Variants in RPH3AL observed in about 807,000 individuals in gnomAD.
The protein encoded by RPH3AL is rab effector Noc2.
In RPH3AL, 38 loss-of-function variants were observed where a neutral mutation model predicts 43.1. The observed-to-expected ratio is 0.88, with a 90% CI of 0.68 to 1.15. The LOEUF is 1.15. RPH3AL is among the 50% of genes most tolerant of loss of function. The probability of loss-of-function intolerance (pLI) is 0.00; values close to 1 mark genes in which losing one functional copy is unlikely to be tolerated. For missense variants in RPH3AL, 462 were observed against 423.2 expected (o/e 1.09, Z -0.81); for synonymous variants, 189 against 176.3 (o/e 1.07, Z -0.57).
chr17:309,407 C>G (rs1425695898), intron 5 of RPH3AL, among the ~76,000 whole-genome samples: 1 of 151,956 alleles, frequency 6.6e-6, no homozygotes, highest in East Asian at 1.9e-4. Flanking sequence ...CCGCCCTGCC[C>G]AGGGCTCCTG....
intron 5 of RPH3AL, among the ~76,000 whole-genome samples, chr17:316,748 GCCCC>G (rs2044231702): frequency 7.5e-6 from 1 of 134,050 alleles, no homozygotes; most frequent in African/African-American, 2.9e-5. Flanking sequence ...TAGTCCATGT[GCCCC>G]ACCTCCATTG....
intron 7 of RPH3AL, chr17:234,650 C>T (rs2041319772): frequency 6.5e-6 from 1 of 154,006 alleles, no homozygotes; most frequent in Admixed American, 6.5e-5. Context: ...ATTCCGCCTC[C>T]TTCTGCAAGC....
chr17:270,383 C>T (rs4985588), intron 6 of RPH3AL, among the ~76,000 whole-genome samples: 99,147 of 152,112 alleles, frequency 0.65, 32,631 homozygotes, highest in East Asian at 0.8. Context: ...GGCTGGGGCT[C>T]GGCTAGCACG....
intron 6 of RPH3AL, among the ~76,000 whole-genome samples, chr17:259,095 T>C (rs1473273758): frequency 2.6e-5 from 4 of 152,104 alleles, no homozygotes; most frequent in Non-Finnish European, 5.9e-5. Context: ...TGTGAGTTCA[T>C]TGTAACGGGG....
chr17:293,084 G>A (rs1052399867), intron 5 of RPH3AL, among the ~76,000 whole-genome samples: 1 of 152,128 alleles, frequency 6.6e-6, no homozygotes, highest in African/African-American at 2.4e-5. Context: ...CAAGGCTTCC[G>A]GCAGGCCCTT....
At chr17:250,361 C>T (rs113776993) in intron 6 of RPH3AL, among the ~76,000 whole-genome samples, 109 of 55,036 alleles carry the variant, frequency 2.0e-3, no homozygotes, top group South Asian at 2.1e-3. Flanking sequence ...GAGCCTTTAC[C>T]AAGCTCCGTC....
At chr17:332,737 C>T (rs983467089) in intron 2 of RPH3AL, 90 of 283,092 alleles carry the variant, frequency 3.2e-4, no homozygotes, top group African/African-American at 1.5e-3. Context: ...CTCCACCTGA[C>T]GGCTGAGCTC....
rs1178166550 is a variant in RPH3AL, at chr17:346,958, A to G, written c.-213+5754T>C. On this transcript the variant is annotated intron_variant, in intron 1 of 9. Coordinates refer to ENST00000331302, the MANE Select transcript of RPH3AL (RefSeq NM_006987.4). ...ATGTGCGGCAACAGGAACCTCAAAC[A>G]CTGTAAAATGGCCCAGCCGGCCAGG... 1.5e-5 allele frequency among the ~76,000 whole-genome samples: 2 copies of G among 135,112 alleles called. 1 individual carries two copies. The highest frequency in any genetic ancestry group is 5.1e-5 in the African/African-American group (2 of 39,404). 88.6% of individuals were successfully genotyped at this position (135,112 alleles called of 152,430 possible). A position where few individuals can be genotyped will look rare whatever the true frequency, so the allele number is the denominator to read the frequency against.
In RPH3AL at chr17:343,310, C is replaced by T. The variant is rs543873606; in HGVS notation, c.-212-9376G>A. ...GTAAACACATTCAGCTCTCTGAGTT[C>T]AAACCAAGTCAGAAAATGGGCAGAG... On this transcript the variant is annotated intron_variant, in intron 1 of 9. Transcript: ENST00000331302. Among the ~76,000 whole-genome samples, 11 of 152,330 alleles carry T rather than the reference C, an allele frequency of 7.2e-5. No individual in the cohort carries two copies. The East Asian group carries it at 2.1e-3, about 29-fold the overall frequency.
At position 274,302 on chromosome 17, in the gene RPH3AL, C is replaced by A. The variant is rs147449935; in HGVS notation, c.438+7466G>T. Among the ~76,000 whole-genome samples the A allele has an allele frequency of 6.6e-6, 1 of 152,194 alleles. No individual in the cohort carries two copies. On this transcript the variant is annotated intron_variant, in intron 6 of 9. Transcript: ENST00000331302. This position sits in a 1 kb window ranked among gnomAD's most constrained non-coding sequence, Gnocchi z 4.7. ...AGGGGATGAGGCGGGAGACGGGAGGCGTGCCATGGACCACCTGGGCCTCGC... is the reference window on the plus strand; with the variant it reads ...AGGGGATGAGGCGGGAGACGGGAGGAGTGCCATGGACCACCTGGGCCTCGC...
intron 3 of RPH3AL, chr17:321,624 C>CGGCCCAGGTGGCAACAGAGAT: frequency 2.2e-6 from 1 of 451,746 alleles, no homozygotes; most frequent in South Asian, 3.6e-5. Flanking sequence ...GCAACAGAGA[C>CGGCCCAGGTGGCAACAGAGAT]GGCCCAGGTT....
At chr17:248,453 C>A (rs11651220) in intron 6 of RPH3AL, among the ~76,000 whole-genome samples, 1 of 152,146 alleles carries the variant, frequency 6.6e-6, no homozygotes, top group East Asian at 1.9e-4. Context: ...GGGGGCCTGC[C>A]AGGGCCCAAG....
chr17:252,670 C>G (rs965860835), intron 6 of RPH3AL, among the ~76,000 whole-genome samples: 1 of 152,286 alleles, frequency 6.6e-6, no homozygotes, highest in Non-Finnish European at 1.5e-5. Context: ...GCCATCACCC[C>G]GCACCCACCC....
intron 5 of RPH3AL, among the ~76,000 whole-genome samples, chr17:296,018 G>A (rs896792216): frequency 7.2e-6 from 1 of 139,560 alleles, no homozygotes; most frequent in Non-Finnish European, 1.6e-5. Context: ...GACGGGCAGA[G>A]GGAATGCACT....
At chr17:317,015 G>A (rs1167506027) in intron 5 of RPH3AL, among the ~76,000 whole-genome samples, 5 of 136,586 alleles carry the variant, frequency 3.7e-5, no homozygotes, top group African/African-American at 1.4e-4. Flanking sequence ...TTGACCTGTA[G>A]TCTCTGTGCT....
Position 219,565 on chromosome 17 carries a change from G to A in RPH3AL, c.727+58C>T, listed in dbSNP as rs1234247749. The stretch of plus-strand genomic sequence containing the variant: ...TTTGAGATGGAGTTTCGCTCCTGTT[G>A]CCCAGGCTGGAGTGCACCGTGCCCG... On this transcript the variant is annotated intron_variant, in intron 8 of 9. Transcript: ENST00000331302. 22 of 446,624 alleles carry A rather than the reference G, an allele frequency of 4.9e-5. No homozygotes were observed. In the African/African-American group the frequency reaches 6.3e-4, roughly 13 times the overall value. 27.7% of individuals were successfully genotyped at this position (446,624 alleles called of 1,614,324 possible).
At chr17:300,709 A>C (rs1555564504) in intron 5 of RPH3AL, among the ~76,000 whole-genome samples, 1 of 111,330 alleles carries the variant, frequency 9.0e-6, no homozygotes, top group Non-Finnish European at 1.8e-5. Context: ...CCCAGCCTAG[A>C]CCTGCAGAAT....
intron 1 of RPH3AL, among the ~76,000 whole-genome samples, chr17:337,162 C>T (rs180802611): frequency 2.1e-4 from 32 of 152,166 alleles, no homozygotes; most frequent in Admixed American, 1.8e-3. Flanking sequence ...GTTGCCCAGG[C>T]TGGAGTGCAG....
At chr17:247,381 T>G in intron 6 of RPH3AL, 96 bp from the exon 7 acceptor site, 1 of 1,303,958 alleles carries the variant, frequency 7.7e-7, no homozygotes, top group Admixed American at 2.9e-5. Flanking sequence ...CGCGGAGAGC[T>G]AGGAGCAGAG....
Sources: gnomAD v4.1 joint callset for allele counts (sites outside exome capture counted in the v4.1 genomes callset) on GRCh38, gnomAD v4.1.1 for gene constraint, Gnocchi (gnomAD v3.1) non-coding constraint, MANE v1.5 for transcripts, NCBI Gene and HGNC (gene_info 2026-07-23, HGNC 2026-07-21) for gene names.